The following FKTN variants were observed in gnomAD, a reference collection of about 807,000 sequenced individuals.
FKTN encodes fukutin.
A neutral mutation model predicts 58.6 loss-of-function variants in FKTN; 47 were observed. The observed-to-expected ratio is 0.80, with a 90% CI of 0.63 to 1.02. The LOEUF (loss-of-function observed/expected upper bound fraction) is 1.02, where lower values mean the gene tolerates loss of function less well. Ranked by LOEUF, FKTN falls within the 50% of genes least tolerant of loss-of-function variation. The pLI, the probability that FKTN is intolerant of heterozygous loss-of-function variation, is 0.00. For missense variants in FKTN, 516 were observed against 537.3 expected (o/e 0.96, Z 0.39); for synonymous variants, 178 against 191.9 (o/e 0.93, Z 0.60).
intron 7 of FKTN, among the ~76,000 whole-genome samples, chr9:105,608,242 T>C (rs1393556388): frequency 1.3e-5 from 2 of 152,204 alleles, no homozygotes; most frequent in African/African-American, 4.8e-5. Flanking sequence ...GCCCATTAAC[T>C]TTGTGAAAGG....
At chr9:105,616,602 T>A (rs182903339) in intron 8 of FKTN, among the ~76,000 whole-genome samples, 1 of 152,212 alleles carries the variant, frequency 6.6e-6, no homozygotes, top group East Asian at 1.9e-4. Context: ...TTATTTGTTG[T>A]CTCTTGATTA....
chr9:105,574,225 A>C (rs570165384), intron 2 of FKTN: 14 of 152,116 alleles, frequency 9.2e-5, no homozygotes, highest in Non-Finnish European at 1.6e-4. Flanking sequence ...TATAAACCTT[A>C]GATATCAAGC....
At chr9:105,600,916 A>G in intron 4 of FKTN, 1 of 434,572 alleles carries the variant, frequency 2.3e-6, no homozygotes, top group Non-Finnish European at 4.2e-6. Flanking sequence ...TTTTTCTTGT[A>G]GCATATTTCA....
intron 3 of FKTN, among the ~76,000 whole-genome samples, chr9:105,586,740 A>G (rs1843978072): frequency 6.6e-6 from 1 of 152,224 alleles, no homozygotes; most frequent in African/African-American, 2.4e-5. Flanking sequence ...TGTATGTGAT[A>G]TGTCTCACTT....
chr9:105,611,115 G>A (rs1483403535), intron 7 of FKTN, among the ~76,000 whole-genome samples: 1 of 152,036 alleles, frequency 6.6e-6, no homozygotes, highest in Non-Finnish European at 1.5e-5. Flanking sequence ...AAATTTCTGA[G>A]CCTTGGTTTC....
chr9:105,616,903 C>T (rs1487313024), intron 8 of FKTN, among the ~76,000 whole-genome samples: 1 of 150,774 alleles, frequency 6.6e-6, no homozygotes, highest in Non-Finnish European at 1.5e-5. Context: ...AAGTACATCT[C>T]ACACATTTAT....
At chr9:105,608,377 T>C (rs1396801891) in intron 7 of FKTN, among the ~76,000 whole-genome samples, 1 of 152,186 alleles carries the variant, frequency 6.6e-6, no homozygotes. Context: ...TTTTTGCATT[T>C]ATGAAGGTTT....
intron 10 of FKTN, among the ~76,000 whole-genome samples, chr9:105,621,023 C>T (rs1217997861): frequency 6.6e-6 from 1 of 152,202 alleles, no homozygotes; most frequent in East Asian, 1.9e-4. Flanking sequence ...AATTTTTTCT[C>T]TCACTGACAT....
rs571615298 is a variant in FKTN, at chr9:105,579,139, G to T, written c.105+4002G>T. On this transcript the variant is annotated intron_variant, in intron 3 of 10. Coordinates refer to ENST00000357998, the MANE Select transcript of FKTN (RefSeq NM_001079802.2). ...CAGCTCCTGGATTCATTGATTTTTT[G>T]AATGGTTTTTTGTGTCTGTATCTCC... Among the ~76,000 whole-genome samples the T allele has an allele frequency of 1.4e-4, 22 of 152,004 alleles. No individual in the cohort carries two copies. In the South Asian group the frequency reaches 4.4e-3, roughly 30 times the overall value.
intron 1 of FKTN, among the ~76,000 whole-genome samples, chr9:105,563,651 C>T (rs566557963): frequency 1.1e-4 from 17 of 152,130 alleles, no homozygotes; most frequent in East Asian, 1.9e-4. Context: ...ACAGAGGGGC[C>T]GGGAAGCTCG....
At position 105,572,046 on chromosome 9, in the gene FKTN, T is replaced by C. The variant is rs151090975; in HGVS notation, c.-180-1609T>C. Among the ~76,000 whole-genome samples the C allele has an allele frequency of 8.5e-3, 1,301 of 152,238 alleles. 13 individuals are homozygous for C. The highest frequency in any genetic ancestry group is 0.024 in the Middle Eastern group (7 of 294). On this transcript the variant is annotated intron_variant, in intron 1 of 10. Transcript: ENST00000357998. ...CCTCTATTTGATAATTGTATTTCCA[T>C]GGGTTTTAACTGAATACAAAAACTA...
At chr9:105,582,782 C>T (rs983489266) in intron 3 of FKTN, among the ~76,000 whole-genome samples, 3 of 152,080 alleles carry the variant, frequency 2.0e-5, no homozygotes, top group African/African-American at 7.2e-5. Flanking sequence ...TTATATATTA[C>T]AAAGTTATCC....
intron 3 of FKTN, among the ~76,000 whole-genome samples, chr9:105,584,043 T>G (rs538931975): frequency 2.6e-5 from 4 of 152,324 alleles, no homozygotes; most frequent in African/African-American, 9.6e-5. Flanking sequence ...TGAACATCAG[T>G]TTGAGATTAA....
intron 3 of FKTN, among the ~76,000 whole-genome samples, chr9:105,586,799 A>G (rs1376169595): frequency 1.3e-5 from 2 of 152,204 alleles, no homozygotes; most frequent in African/African-American, 4.8e-5. Flanking sequence ...TACATTTTCT[A>G]GTACTTTTAA....
chr9:105,582,156 C>CGGAG (rs1370534495), intron 3 of FKTN, among the ~76,000 whole-genome samples: 1 of 152,088 alleles, frequency 6.6e-6, no homozygotes, highest in Non-Finnish European at 1.5e-5. Context: ...AGCTGTAGAC[C>CGGAG]GGAGCTGTTC....
intron 5 of FKTN, chr9:105,603,964 A>C (rs1025463764): frequency 6.0e-6 from 3 of 496,644 alleles, no homozygotes; most frequent in African/African-American, 5.8e-5. Context: ...TATGGTGCCC[A>C]ACCTATAAAG....
intron 3 of FKTN, among the ~76,000 whole-genome samples, chr9:105,595,480 G>A (rs992539025): frequency 6.6e-6 from 1 of 152,160 alleles, no homozygotes; most frequent in African/African-American, 2.4e-5. Context: ...AATGTTTGCA[G>A]TCTCTTTTCA....
intron 5 of FKTN, among the ~76,000 whole-genome samples, chr9:105,603,106 G>T (rs1828193503): frequency 6.6e-6 from 1 of 152,118 alleles, no homozygotes; most frequent in Non-Finnish European, 1.5e-5. Context: ...CTTGTTGATG[G>T]TTATAAGAAA....
chr9:105,583,504 C>T (rs1192302818), intron 3 of FKTN, among the ~76,000 whole-genome samples: 1 of 152,014 alleles, frequency 6.6e-6, no homozygotes, highest in East Asian at 1.9e-4. Context: ...TATATTGGTT[C>T]TTTTTAGTTG....
Sources: gnomAD v4.1 joint callset for allele counts (sites outside exome capture counted in the v4.1 genomes callset) on GRCh38, gnomAD v4.1.1 for gene constraint, MANE v1.5 for transcripts, NCBI Gene and HGNC (gene_info 2026-07-23, HGNC 2026-07-21) for gene names.